CUL7: variants seen among roughly 807,000 people sequenced by gnomAD.
CUL7 encodes cullin 7, also known as cullin-7.
A neutral mutation model predicts 177.7 loss-of-function variants in CUL7; 96 were observed. The ratio of observed to expected loss-of-function variants is 0.54; its 90% CI spans 0.46 to 0.64. The LOEUF is 0.64. Among genes scored for constraint, CUL7 ranks in the 30% least tolerant of loss-of-function variants. CUL7 has a pLI of 0.00. For missense variants in CUL7, 1,893 were observed against 2,187.9 expected, an observed-to-expected ratio of 0.87 and a Z score of 2.69; for synonymous variants, 824 against 890.2, an observed-to-expected ratio of 0.93 and a Z score of 1.32.
At position 43,045,937 on chromosome 6, in the gene CUL7, G is replaced by T. The variant is rs1392949687; in HGVS notation, c.2766+49C>A. The T allele has an allele frequency of 2.1e-6, 3 of 1,442,642 alleles. No individual in the cohort carries two copies. Among genetic ancestry groups the T allele is most frequent in the Non-Finnish European group, 2.9e-6 (3 of 1,026,112 alleles). The allele number at this position is 1,442,642 out of a possible 1,614,324, so 89.4% of individuals were successfully genotyped here. A position where few individuals can be genotyped will look rare whatever the true frequency, so the allele number is the denominator to read the frequency against. On this transcript the variant is annotated intron_variant, in intron 13 of 25. Transcript: ENST00000265348. This position sits in a 1 kb window ranked among gnomAD's most constrained non-coding sequence, Gnocchi z 4.8. ...GATAGGGCCAGATAGAAGCAGGAGG[G>T]CAGATCCTGTGAGGGGTGGAGTAAT...
chr6:43,052,396 A>G lies in CUL7; in HGVS notation c.393T>C (p.Thr131=), dbSNP rs2150337781. 1 of 1,614,236 alleles carries G rather than the reference A, an allele frequency of 6.2e-7. No individual in the cohort carries two copies. The highest frequency in any genetic ancestry group is 8.5e-7 in the Non-Finnish European group (1 of 1,180,030). The change falls in exon 2 of 26, where the codon ACT becomes ACC. Residue 131 remains threonine, a synonymous_variant. Coordinates refer to ENST00000265348, the MANE Select transcript of CUL7 (RefSeq NM_014780.5). The surrounding 1 kb of genome is among the most constrained non-coding windows in gnomAD (Gnocchi z 4.5). The part of the protein sequence containing the change: ...ALRQLEECVG[T]IPPAPLLHTV... ...TGTGAAGTAGAGGAGCAGGAGGGAT[A>G]GTGCCCACACACTCCTCCAGCTGCC...
rs1363770799 is a variant in CUL7 at position 43,050,404 on chromosome 6, G to A, written c.1234-6C>T. On this transcript the variant is annotated splice_polypyrimidine_tract_variant and splice_region_variant and intron_variant, in intron 4 of 25. Transcript: ENST00000265348. This position sits in a 1 kb window ranked among gnomAD's most constrained non-coding sequence, Gnocchi z 4.1. Reference sequence around the variant, plus strand: ...CCTGTTGACTCCCAAAATACCTGGAGCATAGGGAAAGAAAGAGGGAAGGGG... The same window carrying A: ...CCTGTTGACTCCCAAAATACCTGGAACATAGGGAAAGAAAGAGGGAAGGGG... 3.7e-6 allele frequency: 6 copies of A among 1,614,110 alleles called. No individual in the cohort carries two copies. The highest frequency in any genetic ancestry group is 2.2e-5 in the East Asian group (1 of 44,884).
chr6:43,040,413 GC>G lies in CUL7; in HGVS notation c.4036del (p.Ala1346ProfsTer63). On this transcript the variant is annotated frameshift_variant, in exon 22 of 26. Coordinates refer to ENST00000265348, the MANE Select transcript of CUL7 (RefSeq NM_014780.5). LOFTEE classifies it high-confidence loss of function. This position sits in a 1 kb window ranked among gnomAD's most constrained non-coding sequence, Gnocchi z 4.2. ...CTCGCTCTTGTGCTCCTTGCCACTG[GC>G]CCCAAGGCCCACCTGAAGGAGCACA... ...TEKKIQVGLGASGKEHKSEKE... is the reference protein window; with the variant it reads ...TEKKIQVGLGXSGKEHKSEKE... 6.2e-7 allele frequency: 1 copy of G among 1,612,426 alleles called. No individual in the cohort carries two copies. Among genetic ancestry groups the G allele is most frequent in the East Asian group, 2.2e-5 (1 of 44,874 alleles).
In CUL7 at chr6:43,043,744, G is replaced by C. The variant is rs538802652; in HGVS notation, c.3173-114C>G. The C allele has an allele frequency of 2.6e-5, 20 of 767,350 alleles. No individual in the cohort carries two copies. Among genetic ancestry groups the C allele is most frequent in the South Asian group, 5.9e-5 (4 of 67,906 alleles). 47.5% of individuals were successfully genotyped at this position (767,350 alleles called of 1,614,324 possible). ...AACTGGACGGAATGATACAAGGAAG[G>C]GGGGCCAGGTAGGGTGGTTTACGCC... On this transcript the variant is annotated intron_variant, in intron 16 of 25. Coordinates refer to ENST00000265348, the MANE Select transcript of CUL7 (RefSeq NM_014780.5). This position sits in a 1 kb window ranked among gnomAD's most constrained non-coding sequence, Gnocchi z 4.2.
In CUL7 at chr6:43,045,558, AG is replaced by A; in HGVS notation, c.2862+28del. On this transcript the variant is annotated intron_variant, in intron 14 of 25. Coordinates refer to ENST00000265348, the MANE Select transcript of CUL7 (RefSeq NM_014780.5). This position sits in a 1 kb window ranked among gnomAD's most constrained non-coding sequence, Gnocchi z 4.8. ...TTATGGGGCTCAGAGCCCCCTACCC[AG>A]GGCCACACCCCACATCCCTGGCCCC... The A allele has an allele frequency of 6.2e-7, 1 of 1,613,616 alleles. No homozygotes were observed. The highest frequency in any genetic ancestry group is 1.1e-5 in the South Asian group (1 of 91,064).
At position 43,046,978 on chromosome 6, in the gene CUL7, C is replaced by T. The variant is rs747245570; in HGVS notation, c.2299G>A (p.Glu767Lys). The change falls in exon 10 of 26, where the codon GAG (glutamate) becomes AAG (lysine). Residue 767 changes from glutamate to lysine, a missense_variant. This residue lies in a region of CUL7 where 973 missense variants were observed against 1,140.9 expected (regional missense o/e 0.85). Transcript: ENST00000265348. ...KALEKHLGKL[E>K]LAQELRDMVF... ...ATGTCCCGCAGCTCCTGAGCCAGCT[C>T]CAGCTTTCCCAGGTGCTTTTCCAGG... is the stretch of plus-strand genomic sequence containing the variant. 20 of 1,613,140 alleles carry T rather than the reference C, an allele frequency of 1.2e-5. No homozygotes were observed. Among genetic ancestry groups the T allele is most frequent in the African/African-American group, 6.7e-5 (5 of 74,880 alleles).
At chr6:43,044,600 C>A in intron 16 of CUL7, 152 bp downstream of exon 16, 1 of 1,118,488 alleles carries the variant, frequency 8.9e-7, no homozygotes, top group East Asian at 2.6e-5. Context: ...GGGGGCAGCC[C>A]CTGGGCTGTG....
In CUL7 at chr6:43,045,663, G is replaced by A. The variant is rs767803877; in HGVS notation, c.2786C>T (p.Ala929Val). The change falls in exon 14 of 26, where the codon GCC becomes GTC. Residue 929 changes from alanine to valine, a missense_variant. Transcript: ENST00000265348. This position sits in a 1 kb window ranked among gnomAD's most constrained non-coding sequence, Gnocchi z 4.8. ...ELNSVNVMPS[A>V]SRVILLENLT... ...GTTCTCCAGGAGGATCACCCGGCTG[G>A]CAGAGGGCATCACATTCACCTGGCA... The A allele has an allele frequency of 6.2e-7, 1 of 1,614,214 alleles. No individual in the cohort carries two copies. The highest frequency in any genetic ancestry group is 2.2e-5 in the East Asian group (1 of 44,878).
chr6:43,047,116 G>A lies in CUL7; in HGVS notation c.2170-9C>T. The A allele has an allele frequency of 6.5e-7, 1 of 1,530,002 alleles. No individual in the cohort carries two copies. Among genetic ancestry groups the A allele is most frequent in the Non-Finnish European group, 9.1e-7 (1 of 1,103,640 alleles). The allele number at this position is 1,530,002 out of a possible 1,614,324, so 94.8% of individuals were successfully genotyped here. On this transcript the variant is annotated splice_polypyrimidine_tract_variant and intron_variant, in intron 9 of 25. Coordinates refer to ENST00000265348, the MANE Select transcript of CUL7 (RefSeq NM_014780.5). ...ATCAGTTCCTGGAGCACCTGGGTGG[G>A]GACATAAGGGAGGAGATGAATGAAG...
At chr6:43,041,999 G>A (rs1399343616) in intron 19 of CUL7, among the ~76,000 whole-genome samples, 41 of 104,230 alleles carry the variant, frequency 3.9e-4, no homozygotes, top group Middle Eastern at 6.3e-3. Flanking sequence ...GCGAGACTCC[G>A]TCTCAAAAAA....
At chr6:43,038,237 C>G (rs1409676657) in intron 25 of CUL7, 30 bp downstream of exon 25, 3 of 1,612,014 alleles carry the variant, frequency 1.9e-6, no homozygotes, top group Non-Finnish European at 1.7e-6. Flanking sequence ...CAGCAAAGAT[C>G]TGTCACCCAT....
Position 43,046,264 on chromosome 6 carries a change from G to C in CUL7, c.2632C>G (p.Leu878Val). 1 of 1,614,260 alleles carries C rather than the reference G, an allele frequency of 6.2e-7. No homozygotes were observed. The highest frequency in any genetic ancestry group is 8.5e-7 in the Non-Finnish European group (1 of 1,180,052). The stretch of plus-strand genomic sequence containing the variant: ...ATGAGGATGCCCCGGCGCATGTGCA[G>C]GGTGATGTAGTGGGAGCCGGCGCTG... ...NGSAGSHYITLHMRRGILIRQ... is the reference protein window; with the variant it reads ...NGSAGSHYITVHMRRGILIRQ... The change falls in exon 12 of 26, where the codon CTG becomes GTG. Residue 878 changes from leucine to valine, a missense_variant. By Grantham distance (32) the Leu-to-Val change is conservative. Around this residue, in one of 5 missense-constraint regions of CUL7, gnomAD observed 973 missense variants for 1,140.9 expected, o/e 0.85. Coordinates refer to ENST00000265348, the MANE Select transcript of CUL7 (RefSeq NM_014780.5).
Position 43,051,270 on chromosome 6 carries a change from T to C in CUL7, c.931A>G (p.Met311Val), listed in dbSNP as rs770260622. 62 of 1,612,100 alleles carry C rather than the reference T, an allele frequency of 3.8e-5. No homozygotes were observed. The highest frequency in any genetic ancestry group is 5.2e-5 in the Non-Finnish European group (61 of 1,178,588). The change falls in exon 4 of 26, where the codon ATG (methionine) becomes GTG (valine). Residue 311 changes from methionine (M) to valine (V), a missense_variant. Physicochemically the swap from Met to Val is conservative, Grantham distance 21 (BLOSUM62 1). Coordinates refer to ENST00000265348, the MANE Select transcript of CUL7 (RefSeq NM_014780.5). This position sits in a 1 kb window ranked among gnomAD's most constrained non-coding sequence, Gnocchi z 5.0. ...GTLISELVQAMRWDQASDRPR... is the reference protein window; with the variant it reads ...GTLISELVQAVRWDQASDRPR... ...CTGTCTGAGGCCTGGTCCCAGCGCA[T>C]GGCTTGCACCAGCTCCGAGATCAGG...
chr6:43,050,295 T>A lies in CUL7; in HGVS notation c.1337A>T (p.Tyr446Phe). ...GACTCTACTGGCCACTGCCCCTTGG[T>A]ACTCATCAGCCTCAACCATGTCCTC... ...DIEDMVEADE[Y>F]QGAVASRVLG... The change falls in exon 5 of 26, where the codon TAC becomes TTC. Residue 446 changes from tyrosine (Y) to phenylalanine (F), a missense_variant. This residue lies in a region of CUL7 where 653 missense variants were observed against 725.2 expected (regional missense o/e 0.90). Coordinates refer to ENST00000265348, the MANE Select transcript of CUL7 (RefSeq NM_014780.5). This position sits in a 1 kb window ranked among gnomAD's most constrained non-coding sequence, Gnocchi z 4.1. The A allele has an allele frequency of 3.1e-6, 5 of 1,614,166 alleles. No individual in the cohort carries two copies. The highest frequency in any genetic ancestry group is 4.2e-6 in the Non-Finnish European group (5 of 1,180,028).
In CUL7 at chr6:43,048,186, AG is replaced by A. The variant is rs868827600; in HGVS notation, c.2130del (p.Cys711AlafsTer18). 1 of 1,613,822 alleles carries A rather than the reference AG, an allele frequency of 6.2e-7. No homozygotes were observed. On this transcript the variant is annotated frameshift_variant, in exon 9 of 26. Transcript: ENST00000265348. LOFTEE classifies it high-confidence loss of function. ...LLLPWHEAVD[A>X]CMACLRSPNT... ...TTTGGGGACCGCAGGCAGGCCATGC[AG>A]GCATCCACGGCCTCGTGCCAGGGGA... is the stretch of plus-strand genomic sequence containing the variant.
At position 43,045,723 on chromosome 6, in the gene CUL7, G is replaced by C. The variant is rs367650676; in HGVS notation, c.2767-41C>G. ...GAAAGCTGTCACCTCCACACATGCA[G>C]AGCCAAGTTGGCTCTAGGCTCCAGT... On this transcript the variant is annotated intron_variant, in intron 13 of 25. Coordinates refer to ENST00000265348, the MANE Select transcript of CUL7 (RefSeq NM_014780.5). The surrounding 1 kb of genome is among the most constrained non-coding windows in gnomAD (Gnocchi z 4.8). The C allele has an allele frequency of 6.2e-7, 1 of 1,604,100 alleles. No homozygotes were observed. The highest frequency in any genetic ancestry group is 8.5e-7 in the Non-Finnish European group (1 of 1,170,940).
chr6:43,038,449 T>C lies in CUL7; in HGVS notation c.4591A>G (p.Ser1531Gly), dbSNP rs2150304760. The C allele has an allele frequency of 6.2e-7, 1 of 1,614,228 alleles. No individual in the cohort carries two copies. Among genetic ancestry groups the C allele is most frequent in the East Asian group, 2.2e-5 (1 of 44,882 alleles). Residue 1531 changes from serine (S) to glycine (G), a missense_variant, in exon 25 of 26, where the codon AGC becomes GGC. By Grantham distance (56) the Ser-to-Gly change is moderately conservative (BLOSUM62 0). Around this residue, in one of 5 missense-constraint regions of CUL7, gnomAD observed 248 missense variants for 262.5 expected, o/e 0.94. Transcript: ENST00000265348. ...PGGVLKIRDG[S>G]KEPRSRWDIV... is the part of the protein sequence containing the mutation. ...TCCCATCTCGACCTGGGTTCCTTGC[T>C]GCCATCTCGAATCTTGAGGACCCCT...
At position 43,043,607 on chromosome 6, in the gene CUL7, C is replaced by T. The variant is rs1471914010; in HGVS notation, c.3196G>A (p.Gly1066Ser). 10 of 1,610,672 alleles carry T rather than the reference C, an allele frequency of 6.2e-6. No homozygotes were observed. The Admixed American group carries it at 1.7e-4, about 27-fold the overall frequency. Residue 1066 changes from glycine (G) to serine (S), a missense_variant, in exon 17 of 26, where the codon GGT (glycine) becomes AGT (serine). Physicochemically the swap from Gly to Ser is moderately conservative, Grantham distance 56. This residue lies in a region of CUL7 where 973 missense variants were observed against 1,140.9 expected (regional missense o/e 0.85). Coordinates refer to ENST00000265348, the MANE Select transcript of CUL7 (RefSeq NM_014780.5). This position sits in a 1 kb window ranked among gnomAD's most constrained non-coding sequence, Gnocchi z 4.2. Reference protein sequence around the residue: ...SPDEDGISPLGWLLDQYLECQ... With the variant: ...SPDEDGISPLSWLLDQYLECQ... ...TCCAGGTACTGGTCCAGCAGCCAAC[C>T]CAGGGGGCTAATGCCATCCTCATCT...
In CUL7 at chr6:43,045,089, C is replaced by G; in HGVS notation, c.3038+138G>C. 1 of 1,350,986 alleles carries G rather than the reference C, an allele frequency of 7.4e-7. No homozygotes were observed. Among genetic ancestry groups the G allele is most frequent in the Non-Finnish European group, 1.0e-6 (1 of 975,632 alleles). 83.7% of individuals were successfully genotyped at this position (1,350,986 alleles called of 1,614,324 possible). A position where few individuals can be genotyped will look rare whatever the true frequency, so the allele number is the denominator to read the frequency against. ...CTCTTTATCCTTTCTTCCCCTCCCA[C>G]AGCTCAGAAAACTCCAGCCCCCTCC... On this transcript the variant is annotated intron_variant, in intron 15 of 25. Coordinates refer to ENST00000265348, the MANE Select transcript of CUL7 (RefSeq NM_014780.5). This position sits in a 1 kb window ranked among gnomAD's most constrained non-coding sequence, Gnocchi z 4.8.
Sources: gnomAD v4.1 joint callset for allele counts (sites outside exome capture counted in the v4.1 genomes callset) on GRCh38, gnomAD v4.1.1 for gene constraint, gnomAD v4.1.1 regional missense constraint, Gnocchi (gnomAD v3.1) non-coding constraint, MANE v1.5 for transcripts, NCBI Gene and HGNC (gene_info 2026-07-23, HGNC 2026-07-21) for gene names.